Variants in IL1RAPL1 observed in about 807,000 individuals in gnomAD.
The protein encoded by IL1RAPL1 is interleukin-1 receptor accessory protein-like 1.
Under a neutral mutation model 48.4 loss-of-function variants are expected in IL1RAPL1, and 3 were observed. That is an observed-to-expected ratio of 0.06 (90% CI 0.03 to 0.16). The LOEUF is 0.16. Among genes scored for constraint, IL1RAPL1 ranks in the 10% least tolerant of loss-of-function variants. The probability of loss-of-function intolerance (pLI) is 1.00; values close to 1 mark genes in which losing one functional copy is unlikely to be tolerated. For synonymous variants in IL1RAPL1, 185 were observed against 187.7 expected (o/e 0.99, Z 0.12); for missense variants, 349 against 530.6 (o/e 0.66, Z 3.36).
At chrX:28,834,478 G>A (rs1004557565) in intron 2 of IL1RAPL1, among the ~76,000 whole-genome samples, 1 of 110,763 alleles carries the variant, frequency 9.0e-6, no homozygotes, top group African/African-American at 3.3e-5. Context: ...TTCAAAAGGG[G>A]CATGAAGTTT....
rs182295119 is a variant in IL1RAPL1 at position 29,714,056 on chromosome X, T to C, written c.778+45552T>C. On this transcript the variant is annotated intron_variant, in intron 6 of 10. Coordinates refer to ENST00000378993, the MANE Select transcript of IL1RAPL1 (RefSeq NM_014271.4). ...GCCAGTTAGTAAATATACGCTGAGATAGTAGAATGCCAGATAGCAACAGCT... is the reference window on the plus strand; with the variant it reads ...GCCAGTTAGTAAATATACGCTGAGACAGTAGAATGCCAGATAGCAACAGCT... Among the ~76,000 whole-genome samples the C allele has an allele frequency of 3.6e-5, 4 of 111,772 alleles. No individual in the cohort carries two copies. The Admixed American group carries it at 3.8e-4, about 11-fold the overall frequency.
intron 2 of IL1RAPL1, among the ~76,000 whole-genome samples, chrX:29,138,789 AAAAAG>A (rs1929186109): frequency 9.2e-6 from 1 of 108,925 alleles, no homozygotes; most frequent in African/African-American, 3.3e-5. Context: ...AAAAAAAAAA[AAAAAG>A]AAAGAAAACA....
chrX:28,689,371 C>T (rs1935150152), intron 1 of IL1RAPL1, among the ~76,000 whole-genome samples: 1 of 110,850 alleles, frequency 9.0e-6, no homozygotes, highest in Non-Finnish European at 1.9e-5. Context: ...CTCTGCATTT[C>T]TCTCCCCTGC....
At chrX:28,768,449 T>C (rs1936266240) in intron 1 of IL1RAPL1, among the ~76,000 whole-genome samples, 1 of 109,701 alleles carries the variant, frequency 9.1e-6, no homozygotes, top group African/African-American at 3.3e-5. Context: ...GGAAATACTC[T>C]TTGTTCTAAT....
chrX:29,544,318 G>A (rs937424079), intron 5 of IL1RAPL1, among the ~76,000 whole-genome samples: 12 of 111,982 alleles, frequency 1.1e-4, no homozygotes, highest in African/African-American at 2.6e-4. Context: ...ATTGCATATC[G>A]ACTTATTCAT....
At chrX:29,518,002 C>T (rs758814592) in intron 5 of IL1RAPL1, among the ~76,000 whole-genome samples, 16 of 111,789 alleles carry the variant, frequency 1.4e-4, no homozygotes, top group African/African-American at 4.2e-4. Context: ...ATTGGTTAAA[C>T]GCTCAATATA....
At chrX:29,493,954 GCA>G (rs768848518) in intron 5 of IL1RAPL1, among the ~76,000 whole-genome samples, 8 of 111,454 alleles carry the variant, frequency 7.2e-5, no homozygotes, top group Non-Finnish European at 1.3e-4. Flanking sequence ...GAGTGCAGTG[GCA>G]CAATCTCAGC....
chrX:29,490,919 C>T (rs1324791260), intron 5 of IL1RAPL1, among the ~76,000 whole-genome samples: 4 of 105,943 alleles, frequency 3.8e-5, no homozygotes, highest in East Asian at 2.8e-4. Flanking sequence ...TCTCACCCCT[C>T]GTAGTCATTT....
At position 28,619,959 on chromosome X, in the gene IL1RAPL1, A is replaced by AG. The variant is rs1294112260; in HGVS notation, c.-25+31918dup. On this transcript the variant is annotated intron_variant, in intron 1 of 10. Coordinates refer to ENST00000378993, the MANE Select transcript of IL1RAPL1 (RefSeq NM_014271.4). Reference sequence around the variant, plus strand: ...GAGATTAGTTGTATGAAATATTCTAAGGGGGGCATAAAGAAGGTTCTTTGA... The same window carrying AG: ...GAGATTAGTTGTATGAAATATTCTAAGGGGGGGCATAAAGAAGGTTCTTTGA... Among the ~76,000 whole-genome samples, 10 of 111,403 alleles carry AG rather than the reference A, an allele frequency of 9.0e-5. 1 individual carries two copies. The East Asian group carries it at 1.7e-3, about 19-fold the overall frequency.
intron 2 of IL1RAPL1, among the ~76,000 whole-genome samples, chrX:29,047,094 T>C (rs1001828285): frequency 8.9e-6 from 1 of 112,420 alleles, no homozygotes; most frequent in Non-Finnish European, 1.9e-5. Flanking sequence ...TGGCTGCTAC[T>C]ACTTTTAAGT....
intron 6 of IL1RAPL1, among the ~76,000 whole-genome samples, chrX:29,856,019 C>T (rs893389416): frequency 9.0e-6 from 1 of 111,277 alleles, no homozygotes; most frequent in African/African-American, 3.3e-5. Context: ...AGCTATGTAT[C>T]CTCTATTAAA....
chrX:29,615,889 G>T (rs927886208), intron 5 of IL1RAPL1, among the ~76,000 whole-genome samples: 4 of 111,539 alleles, frequency 3.6e-5, no homozygotes, highest in African/African-American at 1.3e-4. Context: ...GAGGTTGGGG[G>T]AGGCAGCCTA....
At chrX:29,602,208 C>T in intron 5 of IL1RAPL1, among the ~76,000 whole-genome samples, 1 of 109,190 alleles carries the variant, frequency 9.2e-6, no homozygotes, top group East Asian at 2.8e-4. Flanking sequence ...ATCTCAAACT[C>T]CTGACCTCAT....
intron 3 of IL1RAPL1, among the ~76,000 whole-genome samples, chrX:29,379,556 GA>G (rs1414683643): frequency 8.9e-6 from 1 of 111,892 alleles, no homozygotes; most frequent in Non-Finnish European, 1.9e-5. Flanking sequence ...GTCTGTGGGG[GA>G]CATGGAATCC....
Position 29,017,356 on chromosome X carries a change from C to G in IL1RAPL1, c.82+227931C>G, listed in dbSNP as rs754190879. ...TTACCTGCTTATAGTAAGCGTTTATCTCTCAAAAACCTTTAATCATCTGAA... is the reference window on the plus strand; with the variant it reads ...TTACCTGCTTATAGTAAGCGTTTATGTCTCAAAAACCTTTAATCATCTGAA... On this transcript the variant is annotated intron_variant, in intron 2 of 10. Transcript: ENST00000378993. Among the ~76,000 whole-genome samples the G allele has an allele frequency of 3.6e-5, 4 of 112,135 alleles. No individual in the cohort carries two copies. In the East Asian group the frequency reaches 8.4e-4, roughly 24 times the overall value.
chrX:28,615,728 G>T (rs182536979), intron 1 of IL1RAPL1, among the ~76,000 whole-genome samples: 119 of 110,568 alleles, frequency 1.1e-3, no homozygotes, highest in African/African-American at 3.6e-3. Context: ...ATTTCTGTGA[G>T]GTACCAGACG....
chrX:29,058,641 G>A (rs1324097371), intron 2 of IL1RAPL1, among the ~76,000 whole-genome samples: 1 of 111,870 alleles, frequency 8.9e-6, no homozygotes, highest in Non-Finnish European at 1.9e-5. Context: ...TCATTCATTA[G>A]AGCATTTTGT....
At chrX:29,706,089 C>T (rs371510945) in intron 6 of IL1RAPL1, among the ~76,000 whole-genome samples, 3 of 111,267 alleles carry the variant, frequency 2.7e-5, no homozygotes, top group Non-Finnish European at 5.7e-5. Context: ...GAGAAACTCC[C>T]GTTTTTAAAA....
rs146169050 is a variant in IL1RAPL1 at position 28,995,152 on chromosome X, C to T, written c.82+205727C>T. 5.3e-3 allele frequency among the ~76,000 whole-genome samples: 586 copies of T among 110,714 alleles called. 15 individuals carry two copies. The highest frequency in any genetic ancestry group is 0.047 in the Admixed American group (490 of 10,344). On this transcript the variant is annotated intron_variant, in intron 2 of 10. Transcript: ENST00000378993. ...TTGTTTTCCTATCAAATGTAGGGGG[C>T]AATAATGTCAGCTATTATATATTTA...
Sources: gnomAD v4.1 joint callset for allele counts (sites outside exome capture counted in the v4.1 genomes callset) on GRCh38, gnomAD v4.1.1 for gene constraint, MANE v1.5 for transcripts, NCBI Gene and HGNC (gene_info 2026-07-23, HGNC 2026-07-21) for gene names.